The following RUNX2 variants were observed in gnomAD, a reference collection of about 807,000 sequenced individuals.
RUNX2 encodes the protein runt-related transcription factor 2.
A neutral mutation model predicts 51.7 loss-of-function variants in RUNX2; 10 were observed. That is an observed-to-expected ratio of 0.19 (90% CI 0.12 to 0.33). The LOEUF (loss-of-function observed/expected upper bound fraction) is 0.33. Ranked by LOEUF, RUNX2 falls within the 10% of genes least tolerant of loss-of-function variation. The pLI is 1.00. For missense variants in RUNX2, 562 were observed against 691.3 expected, an observed-to-expected ratio of 0.81 and a Z score of 2.10; for synonymous variants, 276 against 273.6, an observed-to-expected ratio of 1.01 and a Z score of -0.09.
intron 7 of RUNX2, among the ~76,000 whole-genome samples, chr6:45,521,501 T>A (rs1801507794): frequency 6.6e-6 from 1 of 152,236 alleles, no homozygotes; most frequent in Admixed American, 6.5e-5. Flanking sequence ...ATTTTTGATT[T>A]CCACTTTAGA....
chr6:45,479,109 A>G (rs756091659), intron 5 of RUNX2, among the ~76,000 whole-genome samples: 2 of 152,162 alleles, frequency 1.3e-5, no homozygotes, highest in Non-Finnish European at 2.9e-5. Flanking sequence ...GGCAAGTTAA[A>G]TCTTGAGAAG....
At chr6:45,463,377 G>A (rs757695722) in intron 5 of RUNX2, among the ~76,000 whole-genome samples, 2 of 152,210 alleles carry the variant, frequency 1.3e-5, no homozygotes, top group African/African-American at 4.8e-5. Context: ...AATGTTATAA[G>A]GTGGACCATA....
At chr6:45,403,229 CTTTTTTT>C (rs201142802) in intron 2 of RUNX2, among the ~76,000 whole-genome samples, 4 of 108,828 alleles carry the variant, frequency 3.7e-5, no homozygotes, top group South Asian at 3.4e-4. Flanking sequence ...GTTTGAGTTT[CTTTTTTT>C]TTTTTTTTTT....
intron 5 of RUNX2, among the ~76,000 whole-genome samples, chr6:45,481,146 C>T (rs1328548148): frequency 6.6e-6 from 1 of 152,148 alleles, no homozygotes; most frequent in East Asian, 1.9e-4. Flanking sequence ...AAAATATGCA[C>T]AAAACCTTAA....
At chr6:45,397,171 G>A (rs1477142352) in intron 2 of RUNX2, among the ~76,000 whole-genome samples, 8 of 150,916 alleles carry the variant, frequency 5.3e-5, no homozygotes, top group South Asian at 2.1e-4. Flanking sequence ...TGGCGCGATC[G>A]CAGCTCACTG....
intron 2 of RUNX2, among the ~76,000 whole-genome samples, chr6:45,387,334 T>C (rs1050546784): frequency 6.6e-6 from 1 of 152,196 alleles, no homozygotes; most frequent in African/African-American, 2.4e-5. Context: ...GAATAAATTA[T>C]GTAGTTCAAG....
chr6:45,437,144 C>A (rs1260856044), intron 4 of RUNX2, among the ~76,000 whole-genome samples: 1 of 152,162 alleles, frequency 6.6e-6, no homozygotes, highest in Non-Finnish European at 1.5e-5. Context: ...GTCTCTTTTC[C>A]CCTTCTTATT....
At chr6:45,535,472 C>CGGGT (rs1324739707) in intron 7 of RUNX2, among the ~76,000 whole-genome samples, 3 of 151,820 alleles carry the variant, frequency 2.0e-5, no homozygotes, top group African/African-American at 7.3e-5. Context: ...GGCGTGGTGG[C>CGGGT]GGGTGCCTGT....
At position 45,403,720 on chromosome 6, in the gene RUNX2, T is replaced by A. The variant is rs149391353; in HGVS notation, c.59-18873T>A. Among the ~76,000 whole-genome samples, 252 of 152,138 alleles carry A rather than the reference T, an allele frequency of 1.7e-3. 9 individuals carry two copies. In the East Asian group the frequency reaches 0.046, roughly 28 times the overall value. On this transcript the variant is annotated intron_variant, in intron 2 of 8. Transcript: ENST00000647337. ...GTTCCAGGTACCAGGGATTCAATAG[T>A]AAACAAAAAAAACAAGCTCTCATGG...
At chr6:45,435,618 A>G (rs1461542153) in intron 4 of RUNX2, among the ~76,000 whole-genome samples, 1 of 152,112 alleles carries the variant, frequency 6.6e-6, no homozygotes, top group Admixed American at 6.5e-5. Flanking sequence ...TCCACCTCCC[A>G]AAGTGTTGGG....
chr6:45,447,810 T>C (rs1284349729), intron 5 of RUNX2, among the ~76,000 whole-genome samples: 1 of 152,248 alleles, frequency 6.6e-6, no homozygotes, highest in South Asian at 2.1e-4. Flanking sequence ...CCTTCAGTAA[T>C]TCCTTCAATG....
chr6:45,432,839 C>T (rs1329279049), intron 4 of RUNX2, among the ~76,000 whole-genome samples: 1 of 152,052 alleles, frequency 6.6e-6, no homozygotes, highest in Non-Finnish European at 1.5e-5. Flanking sequence ...AAGCATTATG[C>T]TTATTTATTT....
intron 2 of RUNX2, among the ~76,000 whole-genome samples, chr6:45,342,131 C>A (rs1008095108): frequency 6.6e-6 from 1 of 151,786 alleles, no homozygotes; most frequent in Non-Finnish European, 1.5e-5. Flanking sequence ...CCACTTAGGA[C>A]AGAATGGTTG....
At chr6:45,463,581 T>C (rs182955779) in intron 5 of RUNX2, among the ~76,000 whole-genome samples, 45 of 152,348 alleles carry the variant, frequency 3.0e-4, no homozygotes, top group African/African-American at 1.1e-3. Context: ...AGTATGATAA[T>C]GTAAAGCAAA....
chr6:45,464,191 TAA>T (rs34117694), intron 5 of RUNX2, among the ~76,000 whole-genome samples: 108 of 143,294 alleles, frequency 7.5e-4, no homozygotes, highest in Non-Finnish European at 7.9e-4. Flanking sequence ...AGACTCCGTC[TAA>T]AAAAAAAAAA....
Position 45,547,908 on chromosome 6 carries a change from T to C in RUNX2, c.*603T>C, listed in dbSNP as rs1582233699. On this transcript the variant is annotated 3_prime_UTR_variant, in exon 9 of 9. Transcript: ENST00000647337. ...AACTGTTGGGTTCGTTTTTTTTTTT[T>C]TTTTTCCTGCTCCAAGAAAGTGACT... The C allele has an allele frequency of 6.5e-6, 1 of 154,802 alleles. No homozygotes were observed. The allele number at this position is 154,802 out of a possible 1,614,324, so 9.6% of individuals were successfully genotyped here. A position where few individuals can be genotyped will look rare whatever the true frequency, so the allele number is the denominator to read the frequency against.
intron 2 of RUNX2, among the ~76,000 whole-genome samples, chr6:45,388,588 A>G (rs1797406743): frequency 6.6e-6 from 1 of 152,248 alleles, no homozygotes. Context: ...GCACTAGAGC[A>G]TCTACAGAAT....
intron 2 of RUNX2, among the ~76,000 whole-genome samples, chr6:45,334,263 A>T (rs537451724): frequency 5.3e-5 from 8 of 151,142 alleles, no homozygotes; most frequent in Non-Finnish European, 5.9e-5. Flanking sequence ...TACATCAATG[A>T]TGTCTACCAG....
At chr6:45,536,228 G>A (rs553320989) in intron 7 of RUNX2, among the ~76,000 whole-genome samples, 1 of 152,038 alleles carries the variant, frequency 6.6e-6, no homozygotes, top group Non-Finnish European at 1.5e-5. Context: ...CCCCTCCCAG[G>A]GCATGGTCAG....
Sources: gnomAD v4.1 joint callset for allele counts (sites outside exome capture counted in the v4.1 genomes callset) on GRCh38, gnomAD v4.1.1 for gene constraint, MANE v1.5 for transcripts, NCBI Gene and HGNC (gene_info 2026-07-23, HGNC 2026-07-21) for gene names.